The following CD226 variants were observed in gnomAD, a reference collection of about 807,000 sequenced individuals.
CD226 encodes CD226 antigen.
A neutral mutation model predicts 34.9 loss-of-function variants in CD226; 24 were observed. The ratio of observed to expected loss-of-function variants is 0.69; its 90% CI spans 0.50 to 0.97. CD226 has a LOEUF of 0.97. CD226 is among the 50% of genes least tolerant of loss of function. The probability of loss-of-function intolerance (pLI) is 0.00; values close to 1 mark genes in which losing one functional copy is unlikely to be tolerated. For missense variants in CD226, 397 were observed against 412.7 expected, an observed-to-expected ratio of 0.96 and a Z score of 0.33; for synonymous variants, 148 against 147.4, an observed-to-expected ratio of 1.00 and a Z score of -0.03.
chr18:69,912,088 G>T (rs1177031149), intron 2 of CD226, among the ~76,000 whole-genome samples: 1 of 152,080 alleles, frequency 6.6e-6, no homozygotes, highest in Non-Finnish European at 1.5e-5. Context: ...GGGAAAACTG[G>T]CTAGCCATAT....
chr18:69,938,047 T>A lies in CD226; in HGVS notation c.382+8687A>T, dbSNP rs2055676751. Among the ~76,000 whole-genome samples the A allele has an allele frequency of 2.0e-5, 3 of 152,314 alleles. 1 individual carries two copies. Among genetic ancestry groups the A allele is most frequent in the South Asian group, 4.1e-4 (2 of 4,826 alleles). On this transcript the variant is annotated intron_variant, in intron 2 of 5. Transcript: ENST00000582621. ...TCTAAGAATGAGCATGGATGGCATA[T>A]AAGGAGCCTCATCCCACCTGGGAGA...
At position 69,915,111 on chromosome 18, in the gene CD226, C is replaced by T. The variant is rs2055369923; in HGVS notation, c.383-19066G>A. Among the ~76,000 whole-genome samples, 4 of 152,154 alleles carry T rather than the reference C, an allele frequency of 2.6e-5. No homozygotes were observed. In the South Asian group the frequency reaches 8.3e-4, roughly 31 times the overall value. ...ACCATTTCATTTTATCCCTCTCACACAATAGCACCTGGACACGATTTCAAA... is the reference window on the plus strand; with the variant it reads ...ACCATTTCATTTTATCCCTCTCACATAATAGCACCTGGACACGATTTCAAA... On this transcript the variant is annotated intron_variant, in intron 2 of 5. Coordinates refer to ENST00000582621, the MANE Select transcript of CD226 (RefSeq NM_001303618.2).
Position 69,909,458 on chromosome 18 carries a change from C to A in CD226, c.383-13413G>T, listed in dbSNP as rs192841520. Among the ~76,000 whole-genome samples the A allele has an allele frequency of 5.9e-5, 9 of 152,302 alleles. No homozygotes were observed. In the East Asian group the frequency reaches 1.7e-3, roughly 29 times the overall value. Reference sequence around the variant, plus strand: ...CCAACTCTCCAAAGAGCTCCAGGTGCTTTTCAAACCACAGAAAGATCAACA... The same window carrying A: ...CCAACTCTCCAAAGAGCTCCAGGTGATTTTCAAACCACAGAAAGATCAACA... On this transcript the variant is annotated intron_variant, in intron 2 of 5. Transcript: ENST00000582621.
In CD226 at chr18:69,928,174, A is replaced by G. The variant is rs533061469; in HGVS notation, c.382+18560T>C. 7.9e-5 allele frequency among the ~76,000 whole-genome samples: 12 copies of G among 152,304 alleles called. No homozygotes were observed. In the East Asian group the frequency reaches 1.5e-3, roughly 20 times the overall value. On this transcript the variant is annotated intron_variant, in intron 2 of 5. Coordinates refer to ENST00000582621, the MANE Select transcript of CD226 (RefSeq NM_001303618.2). ...CCACCCAGGGGAATACTTTTCACTT[A>G]CTCGAAAGTACTCATAGGCAGCTGT...
At chr18:69,894,030 T>C (rs1011047456) in intron 3 of CD226, among the ~76,000 whole-genome samples, 6 of 149,816 alleles carry the variant, frequency 4.0e-5, no homozygotes, top group African/African-American at 1.5e-4. Context: ...AAGTCAAAGG[T>C]AAATTAGCTG....
intron 2 of CD226, among the ~76,000 whole-genome samples, chr18:69,906,167 T>C (rs1239608647): frequency 1.3e-5 from 2 of 152,160 alleles, no homozygotes; most frequent in Non-Finnish European, 2.9e-5. Context: ...CCAACTGATA[T>C]AATGTTAGAA....
In CD226 at chr18:69,861,862, A is replaced by G. The variant is rs1382057633; in HGVS notation, c.*2452T>C. 6.6e-6 allele frequency: 1 copy of G among 152,112 alleles called. No individual in the cohort carries two copies. Among genetic ancestry groups the G allele is most frequent in the Non-Finnish European group, 1.5e-5 (1 of 67,968 alleles). The allele number at this position is 152,112 out of a possible 1,614,324, so 9.4% of individuals were successfully genotyped here. On this transcript the variant is annotated 3_prime_UTR_variant, in exon 6 of 6. Transcript: ENST00000582621. ...AGAAAATGAATGAATGGAATTTCAC[A>G]AGCATTACCCCTGAGGGTATAACAG... is the stretch of plus-strand genomic sequence containing the variant.
chr18:69,940,608 C>T (rs983623380), intron 2 of CD226, among the ~76,000 whole-genome samples: 11 of 144,530 alleles, frequency 7.6e-5, no homozygotes, highest in Admixed American at 2.8e-4. Context: ...TGGCATTTTG[C>T]CCCTGCCCCA....
At chr18:69,895,428 T>C (rs540581393) in intron 3 of CD226, among the ~76,000 whole-genome samples, 1 of 152,272 alleles carries the variant, frequency 6.6e-6, no homozygotes, top group Non-Finnish European at 1.5e-5. Flanking sequence ...CCATATGTTT[T>C]TCAGCCCTTT....
intron 2 of CD226, among the ~76,000 whole-genome samples, chr18:69,916,906 A>G (rs1317881065): frequency 6.6e-6 from 1 of 152,146 alleles, no homozygotes; most frequent in Non-Finnish European, 1.5e-5. Context: ...GGTTAATACC[A>G]TCTCCCCACA....
chr18:69,926,685 G>T (rs574656696), intron 2 of CD226, among the ~76,000 whole-genome samples: 4 of 152,176 alleles, frequency 2.6e-5, no homozygotes, highest in Non-Finnish European at 5.9e-5. Context: ...ACCATCATGT[G>T]CTGGGCAACT....
chr18:69,946,917 G>A lies in CD226; in HGVS notation c.199C>T (p.His67Tyr). ...QDSIAIFSPT[H>Y]GMVIRKPYAE... Reference sequence around the variant, plus strand: ...TAGGGCTTCCTTATGACCATGCCATGAGTAGGGCTGAAAATGGCTATGGAA... The same window carrying A: ...TAGGGCTTCCTTATGACCATGCCATAAGTAGGGCTGAAAATGGCTATGGAA... Residue 67 changes from histidine (H) to tyrosine (Y), a missense_variant, in exon 2 of 6, where the codon CAT (histidine) becomes TAT (tyrosine). Transcript: ENST00000582621. 1 of 1,614,164 alleles carries A rather than the reference G, an allele frequency of 6.2e-7. No homozygotes were observed. The highest frequency in any genetic ancestry group is 8.5e-7 in the Non-Finnish European group (1 of 1,180,014).
chr18:69,901,837 C>G (rs1032148894), intron 2 of CD226, among the ~76,000 whole-genome samples: 1 of 151,646 alleles, frequency 6.6e-6, no homozygotes, highest in African/African-American at 2.4e-5. Context: ...CGAGATCGCA[C>G]CACTGCACTC....
rs894104306 is a variant in CD226 at position 69,861,437 on chromosome 18, A to G, written c.*2877T>C. On this transcript the variant is annotated 3_prime_UTR_variant, in exon 6 of 6. Transcript: ENST00000582621. The stretch of plus-strand genomic sequence containing the variant: ...CATTAACAAGTCTTCCTATCTTATT[A>G]TAACAAAGTAATTTCCTTTCATTGG... The G allele has an allele frequency of 1.3e-5, 2 of 150,798 alleles. No homozygotes were observed. The highest frequency in any genetic ancestry group is 4.9e-5 in the African/African-American group (2 of 41,226). The allele number at this position is 150,798 out of a possible 1,614,324, so 9.3% of individuals were successfully genotyped here.
intron 2 of CD226, among the ~76,000 whole-genome samples, chr18:69,906,328 A>C (rs562500067): frequency 1.3e-5 from 2 of 152,274 alleles, no homozygotes; most frequent in Non-Finnish European, 2.9e-5. Flanking sequence ...TTTAAAACAC[A>C]CTGCTCAGGA....
intron 2 of CD226, among the ~76,000 whole-genome samples, chr18:69,927,232 T>C (rs998601711): frequency 1.3e-5 from 2 of 152,146 alleles, no homozygotes; most frequent in African/African-American, 4.8e-5. Context: ...AACCCCTCAC[T>C]AGACAGTAAA....
chr18:69,932,283 A>G (rs754691259), intron 2 of CD226, among the ~76,000 whole-genome samples: 1 of 152,160 alleles, frequency 6.6e-6, no homozygotes, highest in Non-Finnish European at 1.5e-5. Flanking sequence ...CCTAAAATCT[A>G]AAGTCAAAAT....
Position 69,925,886 on chromosome 18 carries a change from T to G in CD226, c.382+20848A>C, listed in dbSNP as rs558940340. Among the ~76,000 whole-genome samples, 4 of 152,248 alleles carry G rather than the reference T, an allele frequency of 2.6e-5. No individual in the cohort carries two copies. In the South Asian group the frequency reaches 8.3e-4, roughly 32 times the overall value. On this transcript the variant is annotated intron_variant, in intron 2 of 5. Transcript: ENST00000582621. ...GGCTGGAAACAGTGGATCCTGCCTG[T>G]AATCCCAGCACTTTGGGAGGCCGAG... is the stretch of plus-strand genomic sequence containing the variant.
intron 3 of CD226, among the ~76,000 whole-genome samples, chr18:69,891,787 T>A (rs1169485893): frequency 5.9e-5 from 9 of 152,248 alleles, no homozygotes. Flanking sequence ...ACCAAAAATG[T>A]TAAAGACTTG....
Sources: allele counts gnomAD v4.1 joint callset (sites outside exome capture counted in the v4.1 genomes callset), GRCh38; gene constraint gnomAD v4.1.1; transcripts MANE v1.5; gene names NCBI Gene and HGNC (gene_info 2026-07-23, HGNC 2026-07-21).